DSE: variants seen among roughly 807,000 people sequenced by gnomAD.
DSE encodes the protein dermatan sulfate epimerase, also known as dermatan-sulfate epimerase.
A neutral mutation model predicts 84.4 loss-of-function variants in DSE; 36 were observed. The ratio of observed to expected loss-of-function variants is 0.43; its 90% CI spans 0.33 to 0.56. The LOEUF (loss-of-function observed/expected upper bound fraction) is 0.56. Ranked by LOEUF, DSE falls within the 20% of genes least tolerant of loss-of-function variation. The pLI is 0.06. For missense variants in DSE, 862 were observed against 1,169.6 expected, an observed-to-expected ratio of 0.74 and a Z score of 3.84; for synonymous variants, 410 against 430.1, an observed-to-expected ratio of 0.95 and a Z score of 0.58.
At chr6:116,279,893 C>T (rs1773405000) in intron 2 of DSE, 1 of 1,608,340 alleles carries the variant, frequency 6.2e-7, no homozygotes, top group Non-Finnish European at 8.5e-7. Flanking sequence ...GAACTGGGAG[C>T]TAACCGCCGC....
intron 2 of DSE, among the ~76,000 whole-genome samples, chr6:116,354,127 GAAT>G (rs1006365040): frequency 7.2e-5 from 11 of 152,112 alleles, no homozygotes; most frequent in Non-Finnish European, 1.5e-4. Flanking sequence ...AAGAAAAAAA[GAAT>G]AATATTAGTT....
intron 1 of DSE, among the ~76,000 whole-genome samples, chr6:116,376,909 CAG>C (rs1214170874): frequency 5.3e-5 from 8 of 152,174 alleles, no homozygotes; most frequent in Non-Finnish European, 1.2e-4. Flanking sequence ...TTGTCCAAGA[CAG>C]AGTCAGAAAG....
At position 116,333,163 on chromosome 6, in the gene DSE, C is replaced by A. The variant is rs1048491327; in HGVS notation, c.-53-66035C>A. ...ATATATTCACATAAATTCATGCATCCCAGTGGAAAGCACTGACCTATTTTT... is the reference window on the plus strand; with the variant it reads ...ATATATTCACATAAATTCATGCATCACAGTGGAAAGCACTGACCTATTTTT... On this transcript the variant is annotated intron_variant, in intron 2 of 3. Transcript: ENST00000430252. 5.3e-5 allele frequency among the ~76,000 whole-genome samples: 8 copies of A among 152,216 alleles called. No individual in the cohort carries two copies. In the South Asian group the frequency reaches 6.2e-4, roughly 12 times the overall value.
chr6:116,405,982 T>C (rs1331385961), intron 2 of DSE, among the ~76,000 whole-genome samples: 1 of 152,222 alleles, frequency 6.6e-6, no homozygotes, highest in Non-Finnish European at 1.5e-5. Context: ...CAGGTGAAGA[T>C]AAAGTTACTC....
chr6:116,348,484 G>A (rs1778126141), intron 2 of DSE, among the ~76,000 whole-genome samples: 1 of 151,958 alleles, frequency 6.6e-6, no homozygotes, highest in African/African-American at 2.4e-5. Context: ...AACAGGTGCT[G>A]GAGAGGATGT....
chr6:116,273,858 G>A (rs1325417426), intron 2 of DSE, among the ~76,000 whole-genome samples: 1 of 130,840 alleles, frequency 7.6e-6, no homozygotes, highest in Admixed American at 8.2e-5. Flanking sequence ...TTGAGACGAA[G>A]TCTCTCTTGT....
Sources: gnomAD v4.1 joint callset for allele counts (sites outside exome capture counted in the v4.1 genomes callset) on GRCh38, gnomAD v4.1.1 for gene constraint, MANE v1.5 for transcripts, NCBI Gene and HGNC (gene_info 2026-07-23, HGNC 2026-07-21) for gene names.